CLCA4: variants seen among roughly 807,000 people sequenced by gnomAD.
CLCA4 encodes chloride channel accessory 4.
In CLCA4, 69 loss-of-function variants were observed where a neutral mutation model predicts 78.9. The ratio of observed to expected loss-of-function variants is 0.87; its 90% CI spans 0.72 to 1.07. The LOEUF (loss-of-function observed/expected upper bound fraction) is 1.07, where lower values mean the gene tolerates loss of function less well. Among genes scored for constraint, CLCA4 ranks in the 50% least tolerant of loss-of-function variants. CLCA4 has a pLI of 0.00. For synonymous variants in CLCA4, 362 were observed against 375.8 expected (o/e 0.96, Z 0.42); for missense variants, 1,133 against 1,095.8 (o/e 1.03, Z -0.48).
intron 1 of CLCA4, chr1:86,552,542 G>T (rs2101789993): frequency 1.9e-6 from 1 of 514,976 alleles, no homozygotes; most frequent in East Asian, 3.4e-5. Context: ...GCAGCGGGCG[G>T]CAGGCGCACC....
At position 86,572,818 on chromosome 1, in the gene CLCA4, T is replaced by C. The variant is rs138497493; in HGVS notation, c.1467+98T>C. 161 of 743,610 alleles carry C rather than the reference T, an allele frequency of 2.2e-4. 3 individuals carry two copies. In the East Asian group the frequency reaches 4.2e-3, roughly 19 times the overall value. 46.1% of individuals were successfully genotyped at this position (743,610 alleles called of 1,614,324 possible). ...TTTGAGTTCCATATTTTTCTCAAAG[T>C]AAATTTTTAATTAAAATCTAAACTT... On this transcript the variant is annotated intron_variant, in intron 9 of 13. Coordinates refer to ENST00000370563, the MANE Select transcript of CLCA4 (RefSeq NM_012128.4).
chr1:86,568,616 C>A (rs1308826093), intron 7 of CLCA4, among the ~76,000 whole-genome samples: 2 of 151,798 alleles, frequency 1.3e-5, no homozygotes, highest in Non-Finnish European at 2.9e-5. Context: ...ATCTTTCCTG[C>A]CTTATTTACT....
At chr1:86,555,749 T>G (rs1181835965) in intron 1 of CLCA4, among the ~76,000 whole-genome samples, 1 of 152,232 alleles carries the variant, frequency 6.6e-6, no homozygotes, top group African/African-American at 2.4e-5. Context: ...TTGTTGCTAG[T>G]TTGATAGGAA....
At chr1:86,550,556 A>C (rs566726142) in intron 1 of CLCA4, among the ~76,000 whole-genome samples, 2 of 152,118 alleles carry the variant, frequency 1.3e-5, no homozygotes, top group African/African-American at 2.4e-5. Flanking sequence ...AACCCTATGA[A>C]ATACTATAAT....
chr1:86,550,005 T>C (rs1649608882), intron 1 of CLCA4, among the ~76,000 whole-genome samples: 1 of 152,240 alleles, frequency 6.6e-6, no homozygotes, highest in African/African-American at 2.4e-5. Flanking sequence ...TAGAGTTTGG[T>C]GGTGTAGCCA....
At chr1:86,560,802 C>T (rs908975132) in intron 3 of CLCA4, among the ~76,000 whole-genome samples, 2 of 152,166 alleles carry the variant, frequency 1.3e-5, no homozygotes, top group South Asian at 4.1e-4. Flanking sequence ...CAAGAGAAAA[C>T]ACTCCTAGGC....
At chr1:86,574,481 G>GA (rs1558197181) in intron 9 of CLCA4, 59 bp from the exon 10 acceptor site, 2 of 1,414,226 alleles carry the variant, frequency 1.4e-6, no homozygotes, top group South Asian at 1.2e-5. Context: ...AAACCATCTT[G>GA]AAAAAAGAAT....
At chr1:86,566,767 T>C (rs1650201621) in intron 6 of CLCA4, among the ~76,000 whole-genome samples, 1 of 151,962 alleles carries the variant, frequency 6.6e-6, no homozygotes, top group East Asian at 1.9e-4. Flanking sequence ...TGATAAGGAC[T>C]GGAGAAGACA....
intron 7 of CLCA4, among the ~76,000 whole-genome samples, chr1:86,568,645 G>A (rs1363196919): frequency 6.6e-6 from 1 of 151,704 alleles, no homozygotes; most frequent in African/African-American, 2.4e-5. Flanking sequence ...CCCTCTTGAT[G>A]CTCTGTCCTC....
At chr1:86,579,661 G>A in intron 13 of CLCA4, 74 bp downstream of exon 13, 2 of 957,286 alleles carry the variant, frequency 2.1e-6, no homozygotes, top group South Asian at 2.7e-5. Context: ...GTAAGGGTGG[G>A]TGGGGGGAGA....
chr1:86,579,356 G>A lies in CLCA4; in HGVS notation c.2125G>A (p.Glu709Lys), dbSNP rs779700000. Residue 709 changes from glutamate (E) to lysine (K), a missense_variant and splice_region_variant, in exon 13 of 14, where the codon GAA (glutamate) becomes AAA (lysine). Glu to Lys is a moderately conservative substitution (Grantham distance 56). Coordinates refer to ENST00000370563, the MANE Select transcript of CLCA4 (RefSeq NM_012128.4). Reference sequence around the variant, plus strand: ...AAACCAGGAAATGTTTAATGCAGGGGAAATTGAAGCAAACCCGCCAAGACC... The same window carrying A: ...AAACCAGGAAATGTTTAATGCAGGGAAAATTGAAGCAAACCCGCCAAGACC... ...AYIPGWVVNG[E>K]IEANPPRPEI... 5.0e-6 allele frequency: 8 copies of A among 1,611,946 alleles called. No homozygotes were observed. The highest frequency in any genetic ancestry group is 1.1e-5 in the South Asian group (1 of 91,020).
chr1:86,579,796 T>C, intron 13 of CLCA4, 146 bp from the exon 14 acceptor site: 1 of 713,226 alleles, frequency 1.4e-6, no homozygotes, highest in Non-Finnish European at 2.3e-6. Context: ...TTGCAGAGCT[T>C]AAGACCAGAA....
Position 86,572,601 on chromosome 1 carries a change from A to G in CLCA4, c.1361-13A>G. The G allele has an allele frequency of 6.8e-7, 1 of 1,479,094 alleles. No homozygotes were observed. The highest frequency in any genetic ancestry group is 9.4e-7 in the Non-Finnish European group (1 of 1,058,396). The allele number at this position is 1,479,094 out of a possible 1,614,324, so 91.6% of individuals were successfully genotyped here. ...TTCTAGAAAGCAGTCTAATTAATGC[A>G]TTTACATTTTAGGAGGAAGTCATTT... is the stretch of plus-strand genomic sequence containing the variant. On this transcript the variant is annotated splice_polypyrimidine_tract_variant and intron_variant, in intron 8 of 13. Coordinates refer to ENST00000370563, the MANE Select transcript of CLCA4 (RefSeq NM_012128.4).
chr1:86,558,449 T>G (rs1649913484), intron 1 of CLCA4, among the ~76,000 whole-genome samples: 1 of 152,176 alleles, frequency 6.6e-6, no homozygotes, highest in African/African-American at 2.4e-5. Context: ...GGATATGAAA[T>G]ACTTGGTTGA....
intron 4 of CLCA4, among the ~76,000 whole-genome samples, chr1:86,564,364 G>A (rs1650111154): frequency 6.6e-6 from 1 of 152,036 alleles, no homozygotes; most frequent in African/African-American, 2.4e-5. Context: ...GAACTGAAAG[G>A]TATATGATTT....
At position 86,552,895 on chromosome 1, in the gene CLCA4, G is replaced by A. The variant is rs1649709135; in HGVS notation, c.159+5617G>A. ...CGAAAGCTTCCTCTGTTTTCTTGAG[G>A]GCCATCCATCTCCCAGACGCTCCTC... On this transcript the variant is annotated intron_variant, in intron 1 of 13. Transcript: ENST00000370563. 4.3e-6 allele frequency: 3 copies of A among 690,360 alleles called. 1 individual carries two copies. The South Asian group carries it at 5.0e-5, about 11-fold the overall frequency. The allele number at this position is 690,360 out of a possible 1,614,324, so 42.8% of individuals were successfully genotyped here. A position where few individuals can be genotyped will look rare whatever the true frequency, so the allele number is the denominator to read the frequency against.
intron 3 of CLCA4, among the ~76,000 whole-genome samples, 170 bp downstream of exon 3, chr1:86,560,528 C>G (rs1403319454): frequency 6.6e-6 from 1 of 152,038 alleles, no homozygotes; most frequent in Non-Finnish European, 1.5e-5. Context: ...TGTGGTTATT[C>G]CCTACAAAAT....
At chr1:86,567,030 C>G (rs988336622) in intron 6 of CLCA4, among the ~76,000 whole-genome samples, 5 of 151,908 alleles carry the variant, frequency 3.3e-5, no homozygotes, top group African/African-American at 7.2e-5. Context: ...GAGTCTGCAA[C>G]AGTCTGGTTT....
chr1:86,548,684 GAAAAAAAAAAAA>G (rs10615856), intron 1 of CLCA4, among the ~76,000 whole-genome samples: 1 of 94,150 alleles, frequency 1.1e-5, no homozygotes, highest in African/African-American at 4.0e-5. Context: ...TCCCTCTCTG[GAAAAAAAAAAAA>G]AAAAAAAAAA....
Sources: gnomAD v4.1 joint callset for allele counts (sites outside exome capture counted in the v4.1 genomes callset) on GRCh38, gnomAD v4.1.1 for gene constraint, MANE v1.5 for transcripts, NCBI Gene and HGNC (gene_info 2026-07-23, HGNC 2026-07-21) for gene names.